ATG14: variants seen among roughly 807,000 people sequenced by gnomAD.
The protein encoded by ATG14 is beclin 1-associated autophagy-related key regulator.
Under a neutral mutation model 60.4 loss-of-function variants are expected in ATG14, and 35 were observed. The observed-to-expected ratio is 0.58, with a 90% CI of 0.44 to 0.77. ATG14 has a LOEUF of 0.77. Ranked by LOEUF, ATG14 falls within the 30% of genes least tolerant of loss-of-function variation. ATG14 has a pLI of 0.00. For missense variants in ATG14, 647 were observed against 626.3 expected, an observed-to-expected ratio of 1.03 and a Z score of -0.35; for synonymous variants, 234 against 228.8, an observed-to-expected ratio of 1.02 and a Z score of -0.21.
intron 3 of ATG14, chr14:55,391,204 G>A (rs544310527): frequency 1.4e-4 from 58 of 417,934 alleles, no homozygotes; most frequent in Admixed American, 5.5e-4. Flanking sequence ...AGGCCAGTGC[G>A]GTGGCTCACG....
intron 1 of ATG14, among the ~76,000 whole-genome samples, chr14:55,398,721 C>T (rs1323053676): frequency 4.6e-5 from 7 of 152,056 alleles, no homozygotes; most frequent in Non-Finnish European, 8.8e-5. Flanking sequence ...CTTGAAATAA[C>T]GTGTATTCTA....
chr14:55,393,217 TA>T (rs11327080), intron 3 of ATG14, among the ~76,000 whole-genome samples: 36,431 of 151,496 alleles, frequency 0.24, 4,534 homozygotes, highest in South Asian at 0.29. Flanking sequence ...CCGTCTCTAC[TA>T]AAAAAACACA....
chr14:55,394,950 T>TA, intron 3 of ATG14: 21 of 394,108 alleles, frequency 5.3e-5, no homozygotes, highest in Admixed American at 9.4e-5. Flanking sequence ...TTTCACCTCC[T>TA]AAAAAAAAGC....
intron 1 of ATG14, among the ~76,000 whole-genome samples, chr14:55,405,360 G>C (rs1362971760): frequency 6.6e-6 from 1 of 152,114 alleles, no homozygotes; most frequent in Non-Finnish European, 1.5e-5. Flanking sequence ...TTCTCAATTT[G>C]TTTAGGGCAT....
At chr14:55,400,231 CTG>C (rs1274789775) in intron 1 of ATG14, among the ~76,000 whole-genome samples, 6 of 152,192 alleles carry the variant, frequency 3.9e-5, no homozygotes, top group African/African-American at 1.4e-4. Flanking sequence ...TTCCACAAGT[CTG>C]TGCTTTCTCA....
intron 1 of ATG14, among the ~76,000 whole-genome samples, chr14:55,407,469 T>G (rs556842615): frequency 6.6e-6 from 1 of 152,176 alleles, no homozygotes; most frequent in East Asian, 1.9e-4. Flanking sequence ...TTCATCATGT[T>G]GGCCAGGCTA....
At chr14:55,372,976 C>A (rs548808166) in intron 9 of ATG14, among the ~76,000 whole-genome samples, 1 of 152,220 alleles carries the variant, frequency 6.6e-6, no homozygotes, top group African/African-American at 2.4e-5. Flanking sequence ...TTCCAATGAT[C>A]AACCTACATT....
chr14:55,390,879 T>C, intron 4 of ATG14, 32 bp downstream of exon 4: 1 of 1,459,934 alleles, frequency 6.8e-7, no homozygotes. Context: ...AGGCACTTTC[T>C]AGGGCTGGAA....
At chr14:55,401,118 G>A (rs79825863) in intron 1 of ATG14, among the ~76,000 whole-genome samples, 8,735 of 151,816 alleles carry the variant, frequency 0.058, 320 homozygotes, top group South Asian at 0.084. Flanking sequence ...AATCTGATTG[G>A]CCTCCCATCC....
At chr14:55,371,850 T>C (rs1884826276) in intron 9 of ATG14, among the ~76,000 whole-genome samples, 1 of 152,046 alleles carries the variant, frequency 6.6e-6, no homozygotes, top group African/African-American at 2.4e-5. Flanking sequence ...AGGGGTGCTC[T>C]CAAGTTTACT....
chr14:55,395,008 G>T (rs1885288598), intron 3 of ATG14: 5 of 461,198 alleles, frequency 1.1e-5, no homozygotes, highest in Non-Finnish European at 2.2e-5. Context: ...CTTGTTTTCT[G>T]CAGGTAAATC....
chr14:55,371,567 G>A (rs1011253689), intron 9 of ATG14, among the ~76,000 whole-genome samples: 10 of 152,264 alleles, frequency 6.6e-5, no homozygotes, highest in Middle Eastern at 3.4e-3. Flanking sequence ...AGCACTTTGG[G>A]AGGCTGCGGC....
chr14:55,390,798 A>G lies in ATG14; in HGVS notation c.409+113T>C, dbSNP rs1594781302. Reference sequence around the variant, plus strand: ...TGAGGGCGAGTAGTAAAATTCTCCAAGTTGCCACTGCCCCACCATCCCCTT... The same window carrying G: ...TGAGGGCGAGTAGTAAAATTCTCCAGGTTGCCACTGCCCCACCATCCCCTT... On this transcript the variant is annotated intron_variant, in intron 4 of 9. Coordinates refer to ENST00000247178, the MANE Select transcript of ATG14 (RefSeq NM_014924.5). The G allele has an allele frequency of 2.7e-5, 19 of 704,026 alleles. No homozygotes were observed. In the East Asian group the frequency reaches 5.4e-4, roughly 20 times the overall value. 43.6% of individuals were successfully genotyped at this position (704,026 alleles called of 1,614,324 possible).
intron 4 of ATG14, among the ~76,000 whole-genome samples, chr14:55,390,323 G>A (rs1885193204): frequency 6.6e-6 from 1 of 151,792 alleles, no homozygotes. Flanking sequence ...CACTCCCCTC[G>A]GCCTCCCAAA....
At chr14:55,389,099 T>C (rs1566581496) in intron 4 of ATG14, among the ~76,000 whole-genome samples, 1 of 152,228 alleles carries the variant, frequency 6.6e-6, no homozygotes, top group Non-Finnish European at 1.5e-5. Context: ...AAACCACTGT[T>C]ATAGGGTCCA....
At chr14:55,377,747 C>T (rs1884946677) in intron 9 of ATG14, 72 bp downstream of exon 9, 1 of 1,155,442 alleles carries the variant, frequency 8.7e-7, no homozygotes, top group Non-Finnish European at 1.2e-6. Flanking sequence ...CACGACTCTA[C>T]TATGCCAACA....
intron 7 of ATG14, among the ~76,000 whole-genome samples, chr14:55,379,614 G>C (rs1884990822): frequency 1.3e-5 from 2 of 152,334 alleles, no homozygotes; most frequent in South Asian, 4.1e-4. Flanking sequence ...CTTTAAGTGG[G>C]AGAAGATGGT....
chr14:55,369,081 A>G lies in ATG14; in HGVS notation c.*538T>C, dbSNP rs1202863665. Reference sequence around the variant, plus strand: ...AATACGTGTAACTCACCCCTCCCAAACAAAATCAAAGGACCAAATTAGAAA... The same window carrying G: ...AATACGTGTAACTCACCCCTCCCAAGCAAAATCAAAGGACCAAATTAGAAA... On this transcript the variant is annotated 3_prime_UTR_variant, in exon 10 of 10. Transcript: ENST00000247178. 1.3e-5 allele frequency: 2 copies of G among 152,628 alleles called. No individual in the cohort carries two copies. Among genetic ancestry groups the G allele is most frequent in the African/African-American group, 4.8e-5 (2 of 41,436 alleles). The allele number at this position is 152,628 out of a possible 1,614,324, so 9.5% of individuals were successfully genotyped here. A position where few individuals can be genotyped will look rare whatever the true frequency, so the allele number is the denominator to read the frequency against.
chr14:55,387,718 G>A (rs1885148366), intron 4 of ATG14, among the ~76,000 whole-genome samples: 1 of 152,058 alleles, frequency 6.6e-6, no homozygotes, highest in Non-Finnish European at 1.5e-5. Flanking sequence ...TGCCCAGGCT[G>A]GAATGCAGTG....
Sources: gnomAD v4.1 joint callset for allele counts (sites outside exome capture counted in the v4.1 genomes callset) on GRCh38, gnomAD v4.1.1 for gene constraint, MANE v1.5 for transcripts, NCBI Gene and HGNC (gene_info 2026-07-23, HGNC 2026-07-21) for gene names.